The following TCF4 variants were observed in gnomAD, a reference collection of about 807,000 sequenced individuals.
The protein encoded by TCF4 is SL3-3 enhancer factor 2.
A neutral mutation model predicts 82.1 loss-of-function variants in TCF4; 3 were observed. The observed-to-expected ratio is 0.04, with a 90% CI of 0.02 to 0.09. The LOEUF is 0.09. Among genes scored for constraint, TCF4 ranks in the 10% least tolerant of loss-of-function variants. The probability of loss-of-function intolerance (pLI) is 1.00; values close to 1 mark genes in which losing one functional copy is unlikely to be tolerated. For synonymous variants in TCF4, 276 were observed against 309.6 expected, an observed-to-expected ratio of 0.89 and a Z score of 1.14; for missense variants, 518 against 852.7, an observed-to-expected ratio of 0.61 and a Z score of 4.89.
At chr18:55,585,944 C>T in intron 2 of TCF4, 1 of 1,270,124 alleles carries the variant, frequency 7.9e-7, no homozygotes, top group Non-Finnish European at 1.0e-6. Context: ...TTTCCCTCTT[C>T]TTCGACGTAT....
intron 5 of TCF4, chr18:55,422,056 T>C: frequency 2.3e-6 from 1 of 437,712 alleles, no homozygotes; most frequent in Non-Finnish European, 2.9e-6. Flanking sequence ...ATTCTCAAAC[T>C]CTTACACTAA....
intron 5 of TCF4, among the ~76,000 whole-genome samples, chr18:55,421,517 A>C (rs1376872693): frequency 6.6e-6 from 1 of 152,186 alleles, no homozygotes; most frequent in African/African-American, 2.4e-5. Flanking sequence ...TTACAATTTA[A>C]CTTTAAATAA....
chr18:55,505,569 C>T (rs544974709), intron 3 of TCF4, among the ~76,000 whole-genome samples: 70 of 151,956 alleles, frequency 4.6e-4, no homozygotes, highest in African/African-American at 1.7e-3. Context: ...CTTTGGAAGG[C>T]CGAGGCGGGC....
chr18:55,398,047 G>A (rs2093601839), intron 6 of TCF4, among the ~76,000 whole-genome samples: 1 of 152,096 alleles, frequency 6.6e-6, no homozygotes, highest in Non-Finnish European at 1.5e-5. Flanking sequence ...TTAACATCCA[G>A]GAAGCTGCTG....
intron 2 of TCF4, among the ~76,000 whole-genome samples, chr18:55,597,405 A>G (rs189961311): frequency 7.2e-5 from 11 of 152,130 alleles, no homozygotes; most frequent in Admixed American, 2.6e-4. Context: ...CTCTCCCCCA[A>G]AGAAAAGGAG....
intron 6 of TCF4, chr18:55,401,289 A>G: frequency 8.4e-7 from 1 of 1,189,318 alleles, no homozygotes; most frequent in South Asian, 1.6e-5. Context: ...TTTATCCCTA[A>G]GTAATCACAC....
At chr18:55,450,040 G>A (rs973005091) in intron 5 of TCF4, among the ~76,000 whole-genome samples, 3 of 152,164 alleles carry the variant, frequency 2.0e-5, no homozygotes, top group African/African-American at 4.8e-5. Flanking sequence ...GTGGCTTTAC[G>A]TTATTTCTTT....
chr18:55,461,439 T>C (rs1353491671), intron 4 of TCF4, among the ~76,000 whole-genome samples: 2 of 152,234 alleles, frequency 1.3e-5, no homozygotes, highest in African/African-American at 4.8e-5. Context: ...ATATTGCTTA[T>C]GTTAAAAATT....
chr18:55,226,615 C>G lies in TCF4; in HGVS notation c.*1420G>C, dbSNP rs2046629218. 1 of 152,358 alleles carries G rather than the reference C, an allele frequency of 6.6e-6. No homozygotes were observed. The highest frequency in any genetic ancestry group is 2.1e-4 in the South Asian group (1 of 4,822). 9.4% of individuals were successfully genotyped at this position (152,358 alleles called of 1,614,324 possible). ...AGGACTTATAAGGCTTGTTATAATGCTGCATGATGATTGAATATTGGCATT... is the reference window on the plus strand; with the variant it reads ...AGGACTTATAAGGCTTGTTATAATGGTGCATGATGATTGAATATTGGCATT... On this transcript the variant is annotated 3_prime_UTR_variant, in exon 20 of 20. Transcript: ENST00000354452.
At chr18:55,427,314 C>T (rs909639594) in intron 5 of TCF4, among the ~76,000 whole-genome samples, 1 of 152,110 alleles carries the variant, frequency 6.6e-6, no homozygotes, top group Non-Finnish European at 1.5e-5. Context: ...TCAGTTCTGC[C>T]AATAGCTAGC....
chr18:55,586,500 A>C (rs555558362), intron 2 of TCF4, among the ~76,000 whole-genome samples: 1 of 152,332 alleles, frequency 6.6e-6, no homozygotes, highest in African/African-American at 2.4e-5. Context: ...AAAAGGTTCT[A>C]AAGAATGTAT....
chr18:55,429,338 A>T (rs2095102644), intron 5 of TCF4, among the ~76,000 whole-genome samples: 1 of 152,184 alleles, frequency 6.6e-6, no homozygotes, highest in African/African-American at 2.4e-5. Flanking sequence ...TTTGCCCAAC[A>T]TGAATGACTA....
At chr18:55,247,899 C>T (rs1220706647) in intron 15 of TCF4, among the ~76,000 whole-genome samples, 2 of 152,096 alleles carry the variant, frequency 1.3e-5, no homozygotes, top group Admixed American at 6.6e-5. Context: ...TTGGGCTGGA[C>T]CTAGGAAGAA....
At chr18:55,544,448 G>GATTTTGCT (rs1329433016) in intron 3 of TCF4, among the ~76,000 whole-genome samples, 4 of 152,044 alleles carry the variant, frequency 2.6e-5, no homozygotes, top group Non-Finnish European at 5.9e-5. Context: ...GCTCTTTAAG[G>GATTTTGCT]ATTTTGCTAA....
intron 10 of TCF4, among the ~76,000 whole-genome samples, chr18:55,272,092 T>G (rs2060503935): frequency 6.6e-6 from 1 of 152,080 alleles, no homozygotes; most frequent in South Asian, 2.1e-4. Flanking sequence ...CCTTTTAACT[T>G]TATGTAAAAT....
At chr18:55,289,195 C>A (rs1300541960) in intron 8 of TCF4, among the ~76,000 whole-genome samples, 1 of 152,146 alleles carries the variant, frequency 6.6e-6, no homozygotes, top group Non-Finnish European at 1.5e-5. Context: ...CAGGTGAAAC[C>A]CTGACTTCTT....
intron 5 of TCF4, among the ~76,000 whole-genome samples, chr18:55,420,743 C>T (rs2094707926): frequency 6.6e-6 from 1 of 152,110 alleles, no homozygotes; most frequent in Admixed American, 6.5e-5. Flanking sequence ...TCTGCCATCA[C>T]TTCCTCATTT....
Position 55,226,551 on chromosome 18 carries a change from T to C in TCF4, c.*1484A>G, listed in dbSNP as rs1365085694. On this transcript the variant is annotated 3_prime_UTR_variant, in exon 20 of 20. Coordinates refer to ENST00000354452, the MANE Select transcript of TCF4 (RefSeq NM_001083962.2). The stretch of plus-strand genomic sequence containing the variant: ...TCATTCATACTGGCCAGAGAAATAC[T>C]GCACTACCCCTCCTCAAAAAAGTGC... The C allele has an allele frequency of 6.6e-6, 1 of 152,638 alleles. No individual in the cohort carries two copies. Among genetic ancestry groups the C allele is most frequent in the Non-Finnish European group, 1.5e-5 (1 of 68,032 alleles). 9.5% of individuals were successfully genotyped at this position (152,638 alleles called of 1,614,324 possible).
intron 3 of TCF4, among the ~76,000 whole-genome samples, chr18:55,513,852 CTT>C (rs1249977470): frequency 6.6e-6 from 1 of 152,156 alleles, no homozygotes; most frequent in Admixed American, 6.6e-5. Flanking sequence ...TTTTAGTTCT[CTT>C]TGAAAATACA....
Sources: allele counts gnomAD v4.1 joint callset (sites outside exome capture counted in the v4.1 genomes callset), GRCh38; gene constraint gnomAD v4.1.1; transcripts MANE v1.5; gene names NCBI Gene and HGNC (gene_info 2026-07-23, HGNC 2026-07-21).